TRMT9B: variants seen among roughly 807,000 people sequenced by gnomAD.
The protein encoded by TRMT9B is probable tRNA methyltransferase 9B.
A neutral mutation model predicts 11.5 loss-of-function variants in TRMT9B; 16 were observed. The ratio of observed to expected loss-of-function variants is 1.39; its 90% CI spans 0.94 to 2.11. TRMT9B has a LOEUF of 2.11. TRMT9B is among the 30% of genes most tolerant of loss of function. The probability of loss-of-function intolerance (pLI) is 0.00; values close to 1 mark genes in which losing one functional copy is unlikely to be tolerated. For missense variants in TRMT9B, 941 were observed against 553.8 expected, an observed-to-expected ratio of 1.70 and a Z score of -7.02; for synonymous variants, 274 against 192.4, an observed-to-expected ratio of 1.42 and a Z score of -3.51.
At position 13,023,207 on chromosome 8, in the gene TRMT9B, C is replaced by G. The variant is rs1273073797; in HGVS notation, c.*1163C>G. On this transcript the variant is annotated 3_prime_UTR_variant, in exon 5 of 5. Coordinates refer to ENST00000524591, the MANE Select transcript of TRMT9B (RefSeq NM_020844.3). ...CCAAGATTGACTAATGATGAGTCTG[C>G]ATCAAGAACTAGGCATTTCTTCTGA... The G allele has an allele frequency of 6.0e-6, 1 of 167,042 alleles. No individual in the cohort carries two copies. The highest frequency in any genetic ancestry group is 2.4e-5 in the African/African-American group (1 of 41,424). 10.3% of individuals were successfully genotyped at this position (167,042 alleles called of 1,614,324 possible).
intron 1 of TRMT9B, among the ~76,000 whole-genome samples, chr8:12,968,159 A>G (rs374148710): frequency 5.3e-5 from 8 of 152,256 alleles, no homozygotes; most frequent in African/African-American, 1.9e-4. Flanking sequence ...TGCTGGGATT[A>G]CAGACATGAG....
At chr8:12,988,950 A>G (rs1307372939) in intron 1 of TRMT9B, among the ~76,000 whole-genome samples, 1 of 151,572 alleles carries the variant, frequency 6.6e-6, no homozygotes, top group African/African-American at 2.4e-5. Context: ...TATGCTTCAG[A>G]TATTAAATTC....
chr8:13,021,890 A>G lies in TRMT9B; in HGVS notation c.1211A>G (p.Asp404Gly). Residue 404 changes from aspartate (D) to glycine (G), a missense_variant, in exon 5 of 5, where the codon GAC becomes GGC. Physicochemically the swap from Asp to Gly is moderately conservative, Grantham distance 94 (BLOSUM62 -1). Transcript: ENST00000524591. ...SVEDPQTDVL[D>G]STAFMRYYHV... ...GAAGATCCACAGACTGATGTTTTGG[A>G]CTCCACAGCCTTTATGCGCTACTAC... The G allele has an allele frequency of 6.2e-7, 1 of 1,613,614 alleles. No homozygotes were observed. Among genetic ancestry groups the G allele is most frequent in the South Asian group, 1.1e-5 (1 of 91,066 alleles).
intron 1 of TRMT9B, among the ~76,000 whole-genome samples, chr8:12,954,944 T>C (rs1801107646): frequency 6.6e-6 from 1 of 152,092 alleles, no homozygotes; most frequent in South Asian, 2.1e-4. Context: ...TAATGACACC[T>C]CCCCAGGTGG....
At position 13,006,232 on chromosome 8, in the gene TRMT9B, G is replaced by A. The variant is rs747477392; in HGVS notation, c.30G>A (p.Lys10=). 6 of 1,613,970 alleles carry A rather than the reference G, an allele frequency of 3.7e-6. No homozygotes were observed. The highest frequency in any genetic ancestry group is 1.6e-4 in the Middle Eastern group (1 of 6,062). The change falls in exon 3 of 5, where the codon AAG becomes AAA. Residue 10 remains lysine (K), a synonymous_variant. Coordinates refer to ENST00000524591, the MANE Select transcript of TRMT9B (RefSeq NM_020844.3). ...ATCATGAAGCCGCCCAGCTGGAGAA[G>A]CAGCATGTGCACAATGTGTACGAGA... MDHEAAQLE[K]QHVHNVYEST...
intron 1 of TRMT9B, among the ~76,000 whole-genome samples, chr8:12,959,086 G>A (rs1197601981): frequency 6.6e-6 from 1 of 152,086 alleles, no homozygotes; most frequent in Non-Finnish European, 1.5e-5. Context: ...AGAACTTAAA[G>A]TATAATAATA....
intron 1 of TRMT9B, chr8:12,962,033 C>T (rs1202934337): frequency 6.6e-6 from 1 of 152,282 alleles, no homozygotes; most frequent in African/African-American, 2.4e-5. Flanking sequence ...AATGCCAGCC[C>T]TGAAGCTGCA....
At chr8:12,982,792 C>T (rs1052792431) in intron 1 of TRMT9B, among the ~76,000 whole-genome samples, 2 of 152,132 alleles carry the variant, frequency 1.3e-5, no homozygotes, top group African/African-American at 4.8e-5. Context: ...CATGATGCCA[C>T]AAGTGGAAGT....
intron 3 of TRMT9B, chr8:13,010,408 C>T: frequency 1.0e-6 from 1 of 983,624 alleles, no homozygotes; most frequent in Non-Finnish European, 1.2e-6. Context: ...ATATGACTGT[C>T]CTCTAAAGGA....
intron 1 of TRMT9B, among the ~76,000 whole-genome samples, chr8:12,970,609 T>A (rs1223131999): frequency 6.6e-6 from 1 of 152,254 alleles, no homozygotes; most frequent in African/African-American, 2.4e-5. Flanking sequence ...TGTATTCAAA[T>A]GTGTGAGATG....
At chr8:12,956,574 A>G (rs1005581335) in intron 1 of TRMT9B, among the ~76,000 whole-genome samples, 2 of 152,234 alleles carry the variant, frequency 1.3e-5, no homozygotes, top group African/African-American at 4.8e-5. Context: ...TTCCTTCTCA[A>G]AGCCGCAGAT....
chr8:12,992,766 G>A (rs1275025707), intron 2 of TRMT9B, among the ~76,000 whole-genome samples: 4 of 152,112 alleles, frequency 2.6e-5, no homozygotes. Flanking sequence ...CTACTCAGGA[G>A]GCTGAGGCAG....
At chr8:12,973,470 G>A (rs993831007) in intron 1 of TRMT9B, among the ~76,000 whole-genome samples, 1 of 152,238 alleles carries the variant, frequency 6.6e-6, no homozygotes. Flanking sequence ...AAGGCTGGTA[G>A]AAGCAATCTA....
At chr8:12,953,672 C>T (rs1727319063) in intron 1 of TRMT9B, among the ~76,000 whole-genome samples, 1 of 152,184 alleles carries the variant, frequency 6.6e-6, no homozygotes, top group Non-Finnish European at 1.5e-5. Flanking sequence ...AGAGTTAGAA[C>T]TTTCTCTGTC....
At chr8:12,949,441 A>G (rs1296079284) in intron 1 of TRMT9B, among the ~76,000 whole-genome samples, 1 of 152,236 alleles carries the variant, frequency 6.6e-6, no homozygotes, top group African/African-American at 2.4e-5. Flanking sequence ...ATGGCTTAAA[A>G]GTCTAGCTAT....
At chr8:13,004,094 C>T (rs1314117055) in intron 2 of TRMT9B, among the ~76,000 whole-genome samples, 2 of 151,914 alleles carry the variant, frequency 1.3e-5, no homozygotes, top group Non-Finnish European at 2.9e-5. Flanking sequence ...TGACAGCTGC[C>T]CACAGAGGGA....
At chr8:13,014,852 G>T (rs1010288417) in intron 4 of TRMT9B, among the ~76,000 whole-genome samples, 17 of 152,024 alleles carry the variant, frequency 1.1e-4, no homozygotes, top group Non-Finnish European at 2.5e-4. Context: ...CACAAGGTCA[G>T]GAGTTCAAGA....
rs952245722 is a variant in TRMT9B, at chr8:13,028,321, T to C, written c.*6277T>C. The C allele has an allele frequency of 6.0e-6, 1 of 167,034 alleles. No homozygotes were observed. Among genetic ancestry groups the C allele is most frequent in the African/African-American group, 2.4e-5 (1 of 41,456 alleles). The allele number at this position is 167,034 out of a possible 1,614,324, so 10.3% of individuals were successfully genotyped here. On this transcript the variant is annotated 3_prime_UTR_variant, in exon 5 of 5. Transcript: ENST00000524591. ...TCAAATTGGATCTTCATTTGACAAA[T>C]AAATACTAGAGCTGCAGAAAGTAAA...
intron 1 of TRMT9B, among the ~76,000 whole-genome samples, chr8:12,954,103 C>A (rs1002287791): frequency 1.3e-5 from 2 of 152,082 alleles, no homozygotes; most frequent in East Asian, 3.9e-4. Flanking sequence ...ATTGGGAATA[C>A]CCTGTGTGAA....
Sources: allele counts gnomAD v4.1 joint callset (sites outside exome capture counted in the v4.1 genomes callset), GRCh38; gene constraint gnomAD v4.1.1; transcripts MANE v1.5; gene names NCBI Gene and HGNC (gene_info 2026-07-23, HGNC 2026-07-21).